Variants in MAP4K5 observed in about 807,000 individuals in gnomAD.
MAP4K5 encodes the protein MAPK/ERK kinase kinase kinase 5.
A neutral mutation model predicts 135.6 loss-of-function variants in MAP4K5; 82 were observed. The observed-to-expected ratio is 0.60, with a 90% CI of 0.51 to 0.73. The LOEUF is 0.73. Among genes scored for constraint, MAP4K5 ranks in the 30% least tolerant of loss-of-function variants. The pLI, the probability that MAP4K5 is intolerant of heterozygous loss-of-function variation, is 0.00. For missense variants in MAP4K5, 907 were observed against 1,010.9 expected, an observed-to-expected ratio of 0.90 and a Z score of 1.39; for synonymous variants, 347 against 335.0, an observed-to-expected ratio of 1.04 and a Z score of -0.39.
intron 32 of MAP4K5, among the ~76,000 whole-genome samples, chr14:50,421,885 TC>T (rs1444730881): frequency 1.0e-5 from 1 of 98,744 alleles, no homozygotes; most frequent in Non-Finnish European, 1.9e-5. Flanking sequence ...CAATGGATGA[TC>T]CACAATTCTT....
chr14:50,453,764 A>G (rs1338583012), intron 14 of MAP4K5, among the ~76,000 whole-genome samples: 2 of 152,112 alleles, frequency 1.3e-5, no homozygotes, highest in Non-Finnish European at 2.9e-5. Flanking sequence ...TTAAGTCATC[A>G]TTTAAAATTC....
intron 11 of MAP4K5, among the ~76,000 whole-genome samples, chr14:50,466,192 C>T (rs2036828897): frequency 6.6e-6 from 1 of 151,856 alleles, no homozygotes; most frequent in African/African-American, 2.4e-5. Context: ...GCCTGGGCAA[C>T]ATAGTGAGAC....
intron 28 of MAP4K5, among the ~76,000 whole-genome samples, chr14:50,432,729 T>C (rs1257077257): frequency 6.6e-6 from 1 of 152,122 alleles, no homozygotes; most frequent in Non-Finnish European, 1.5e-5. Context: ...ACATGCTTTA[T>C]ACCATGCTGA....
intron 19 of MAP4K5, 21 bp downstream of exon 19, chr14:50,443,918 C>T: frequency 1.3e-6 from 2 of 1,565,274 alleles, no homozygotes; most frequent in South Asian, 2.3e-5. Context: ...CAACTAATTG[C>T]TAAATGCCTG....
rs534156273 is a variant in MAP4K5 at position 50,470,753 on chromosome 14, A to T, written c.543-1971T>A. Among the ~76,000 whole-genome samples the T allele has an allele frequency of 7.9e-5, 12 of 152,136 alleles. No individual in the cohort carries two copies. In the East Asian group the frequency reaches 1.4e-3, roughly 17 times the overall value. Reference sequence around the variant, plus strand: ...AATCTTGCTTTCTAAAATTAACAACATATCATGAGCCGTAGCATATTATTC... The same window carrying T: ...AATCTTGCTTTCTAAAATTAACAACTTATCATGAGCCGTAGCATATTATTC... On this transcript the variant is annotated intron_variant, in intron 9 of 32. Transcript: ENST00000682126.
chr14:50,478,114 A>G (rs1462956201), intron 6 of MAP4K5, among the ~76,000 whole-genome samples: 1 of 152,118 alleles, frequency 6.6e-6, no homozygotes, highest in Non-Finnish European at 1.5e-5. Flanking sequence ...TACATATAGG[A>G]TTATTCAGGT....
intron 1 of MAP4K5, among the ~76,000 whole-genome samples, chr14:50,556,379 C>A (rs1799586931): frequency 6.6e-6 from 1 of 151,944 alleles, no homozygotes; most frequent in Admixed American, 6.6e-5. Context: ...CTGCACCTGG[C>A]TAGTTTTTCT....
In MAP4K5 at chr14:50,464,063, T is replaced by C. The variant is rs1164330651; in HGVS notation, c.808A>G (p.Arg270Gly). ...TTTCAATGACTTACAGTCAGAAGTC[T>C]TTCAGCAGTTGGTCTTTTTTTTGGG... ...KNPKKRPTAE[R>G]LLTHTFVAQP... The change falls in exon 12 of 33, where the codon AGA (arginine) becomes GGA (glycine). Residue 270 changes from arginine to glycine, a missense_variant. Arg to Gly is a moderately radical substitution (Grantham distance 125, BLOSUM62 -2). This residue lies in a region of MAP4K5 where 690 missense variants were observed against 777.4 expected (regional missense o/e 0.89). Transcript: ENST00000682126. The C allele has an allele frequency of 5.8e-6, 9 of 1,541,294 alleles. No individual in the cohort carries two copies. The highest frequency in any genetic ancestry group is 7.9e-6 in the Non-Finnish European group (9 of 1,136,942).
intron 1 of MAP4K5, among the ~76,000 whole-genome samples, chr14:50,546,291 A>G (rs1490248747): frequency 6.6e-6 from 1 of 152,216 alleles, no homozygotes; most frequent in African/African-American, 2.4e-5. Flanking sequence ...AATGATATGG[A>G]TCCAGTTATC....
intron 3 of MAP4K5, 88 bp downstream of exon 3, chr14:50,504,712 C>T (rs1711550762): frequency 2.1e-6 from 2 of 932,728 alleles, no homozygotes; most frequent in Admixed American, 5.1e-5. Flanking sequence ...CCTGATAGAA[C>T]ATATAAAGAC....
intron 9 of MAP4K5, among the ~76,000 whole-genome samples, chr14:50,474,736 TTAAAA>T (rs1044495784): frequency 1.3e-5 from 2 of 152,086 alleles, no homozygotes; most frequent in African/African-American, 2.4e-5. Context: ...ACCCTGCAAC[TTAAAA>T]TAAAATAAAG....
intron 2 of MAP4K5, among the ~76,000 whole-genome samples, chr14:50,538,988 A>G (rs1566704388): frequency 6.6e-6 from 1 of 152,116 alleles, no homozygotes; most frequent in Non-Finnish European, 1.5e-5. Flanking sequence ...CCCAGCTTTT[A>G]TTTTTATAAA....
At chr14:50,525,425 G>C (rs1388216078) in intron 2 of MAP4K5, among the ~76,000 whole-genome samples, 1 of 151,916 alleles carries the variant, frequency 6.6e-6, no homozygotes, top group Non-Finnish European at 1.5e-5. Flanking sequence ...TCTATACCAG[G>C]GCCTAAATTT....
intron 32 of MAP4K5, among the ~76,000 whole-genome samples, chr14:50,422,173 G>A (rs1027364212): frequency 6.6e-6 from 1 of 152,088 alleles, no homozygotes; most frequent in Admixed American, 6.6e-5. Context: ...GCCCTTCCTG[G>A]AGAAGCAAAG....
intron 29 of MAP4K5, 79 bp downstream of exon 29, chr14:50,429,113 C>G: frequency 1.2e-6 from 1 of 822,056 alleles, no homozygotes; most frequent in Non-Finnish European, 1.8e-6. Flanking sequence ...CAGTAAAAAT[C>G]TTGAATTATG....
At chr14:50,450,813 G>A (rs1237608251) in intron 14 of MAP4K5, among the ~76,000 whole-genome samples, 1 of 152,012 alleles carries the variant, frequency 6.6e-6, no homozygotes, top group African/African-American at 2.4e-5. Context: ...AGACATACCA[G>A]GTAATTAACT....
At chr14:50,452,438 CTA>C (rs2036511213) in intron 14 of MAP4K5, among the ~76,000 whole-genome samples, 2 of 152,150 alleles carry the variant, frequency 1.3e-5, no homozygotes, top group South Asian at 4.1e-4. Flanking sequence ...CTCATTAACT[CTA>C]TGAACCAAAA....
chr14:50,459,973 T>C (rs1010839529), intron 13 of MAP4K5, among the ~76,000 whole-genome samples: 2 of 152,096 alleles, frequency 1.3e-5, no homozygotes, highest in African/African-American at 4.8e-5. Context: ...AGTGCTGAGA[T>C]TACAGACAGC....
intron 2 of MAP4K5, among the ~76,000 whole-genome samples, chr14:50,540,831 A>G (rs1198322163): frequency 1.3e-5 from 2 of 152,232 alleles, no homozygotes; most frequent in African/African-American, 4.8e-5. Flanking sequence ...TACCCATGCC[A>G]AAGTAGAATA....
Sources: gnomAD v4.1 joint callset for allele counts (sites outside exome capture counted in the v4.1 genomes callset) on GRCh38, gnomAD v4.1.1 for gene constraint, gnomAD v4.1.1 regional missense constraint, MANE v1.5 for transcripts, NCBI Gene and HGNC (gene_info 2026-07-23, HGNC 2026-07-21) for gene names.